HOOK2: variants seen among roughly 807,000 people sequenced by gnomAD.
HOOK2 encodes hook microtubule tethering protein 2.
Under a neutral mutation model 111.9 loss-of-function variants are expected in HOOK2, and 108 were observed. The ratio of observed to expected loss-of-function variants is 0.96; its 90% CI spans 0.83 to 1.13. HOOK2 has a LOEUF of 1.13. HOOK2 is among the 50% of genes most tolerant of loss of function. The pLI is 0.00. For synonymous variants in HOOK2, 405 were observed against 394.3 expected, an observed-to-expected ratio of 1.03 and a Z score of -0.32; for missense variants, 978 against 951.3, an observed-to-expected ratio of 1.03 and a Z score of -0.37.
chr19:12,775,602 C>CCT, upstream of HOOK2: 1 of 636,980 alleles, frequency 1.6e-6, no homozygotes, highest in Non-Finnish European at 2.3e-6. Flanking sequence ...GCCCCGCCCC[C>CCT]AAGCCCAGGC....
chr19:12,782,292 G>T (rs1365404404), upstream of HOOK2, among the ~76,000 whole-genome samples: 1 of 152,258 alleles, frequency 6.6e-6, no homozygotes, highest in Non-Finnish European at 1.5e-5. Context: ...CCATCCACGT[G>T]TGTCCGTGTT....
intron 1 of HOOK2, 101 bp from the exon 2 acceptor site, chr19:12,774,998 G>A (rs893213163): frequency 9.7e-6 from 12 of 1,230,892 alleles, no homozygotes; most frequent in Non-Finnish European, 1.4e-5. Flanking sequence ...CACATGGTGG[G>A]GCGGGCGCTG....
upstream of HOOK2, among the ~76,000 whole-genome samples, chr19:12,779,831 T>A (rs1968580431): frequency 6.6e-6 from 1 of 152,182 alleles, no homozygotes; most frequent in Non-Finnish European, 1.5e-5. Context: ...TGTAACATCC[T>A]TGTCGGTAAC....
chr19:12,790,319 G>T lies in HOOK2; in HGVS notation n.42-16094C>A, dbSNP rs975611424. ...GAGACAGGGCCGGGCTCCTTCCCCCGGGGCTGTTGCCACACTTCCTGCCTC... is the reference window on the plus strand; with the variant it reads ...GAGACAGGGCCGGGCTCCTTCCCCCTGGGCTGTTGCCACACTTCCTGCCTC... On this transcript the variant is annotated intron_variant and non_coding_transcript_variant, in intron 3 of 3. Transcript: ENST00000589765. The surrounding 1 kb of genome is among the most constrained non-coding windows in gnomAD (Gnocchi z 7.2). Among the ~76,000 whole-genome samples the T allele has an allele frequency of 1.8e-4, 27 of 152,166 alleles. No individual in the cohort carries two copies. The highest frequency in any genetic ancestry group is 5.5e-4 in the African/African-American group (23 of 41,444).
At position 12,772,579 on chromosome 19, in the gene HOOK2, A is replaced by G; in HGVS notation, c.456+34T>C. 3.1e-6 allele frequency: 5 copies of G among 1,609,946 alleles called. No individual in the cohort carries two copies. In the South Asian group the frequency reaches 5.5e-5, roughly 18 times the overall value. ...CCCTAGAGATGTCCCCTCTCCTGAC[A>G]TTTTCCAATTGCACACTGAGTGCCC... On this transcript the variant is annotated intron_variant, in intron 6 of 22. Transcript: ENST00000397668.
chr19:12,789,640 C>T (rs1397361464), intron 3 of HOOK2, among the ~76,000 whole-genome samples: 1 of 151,826 alleles, frequency 6.6e-6, no homozygotes, highest in Non-Finnish European at 1.5e-5. Context: ...CCGGGGGCGC[C>T]TCGAGGCATC....
In HOOK2 at chr19:12,763,218, G is replaced by T; in HGVS notation, c.*64C>A. ...GCACCTGGCTGAAGCCCAGTGCTGGGCGCCATGTGAGCTGGAGGAAGCCAG... is the reference window on the plus strand; with the variant it reads ...GCACCTGGCTGAAGCCCAGTGCTGGTCGCCATGTGAGCTGGAGGAAGCCAG... On this transcript the variant is annotated 3_prime_UTR_variant, in exon 23 of 23. Coordinates refer to ENST00000397668, the MANE Select transcript of HOOK2 (RefSeq NM_013312.3). 1 of 1,569,100 alleles carries T rather than the reference G, an allele frequency of 6.4e-7. No individual in the cohort carries two copies. Among genetic ancestry groups the T allele is most frequent in the East Asian group, 2.3e-5 (1 of 44,394 alleles).
intron 3 of HOOK2, among the ~76,000 whole-genome samples, chr19:12,785,537 GTACA>G (rs1244251215): frequency 6.6e-6 from 1 of 151,862 alleles, no homozygotes; most frequent in Non-Finnish European, 1.5e-5. Flanking sequence ...CAACCTACAC[GTACA>G]TACATCTAGA....
chr19:12,783,007 C>G (rs1310993845), upstream of HOOK2, among the ~76,000 whole-genome samples: 1 of 152,078 alleles, frequency 6.6e-6, no homozygotes, highest in Non-Finnish European at 1.5e-5. Context: ...GCGCTTCCCG[C>G]TCGTGATCCC....
intron 11 of HOOK2, among the ~76,000 whole-genome samples, chr19:12,768,473 G>A (rs565593720): frequency 1.8e-4 from 27 of 152,188 alleles, no homozygotes; most frequent in African/African-American, 5.3e-4. Context: ...AATAAATTGC[G>A]TTATATAGTC....
In HOOK2 at chr19:12,771,079, G is replaced by T. The variant is rs766457016; in HGVS notation, c.762-7C>A. The T allele has an allele frequency of 1.9e-6, 3 of 1,612,264 alleles. No homozygotes were observed. Among genetic ancestry groups the T allele is most frequent in the Non-Finnish European group, 2.5e-6 (3 of 1,178,780 alleles). ...CTCCCTGCCACTCTCCAGCCTGGGG[G>T]TGTTGGGGGAAGAGCACATGAGGGG... On this transcript the variant is annotated splice_polypyrimidine_tract_variant and splice_region_variant and intron_variant, in intron 9 of 22. Transcript: ENST00000397668.
At chr19:12,776,099 G>A (rs1231484304), upstream of HOOK2, among the ~76,000 whole-genome samples, 3 of 149,646 alleles carry the variant, frequency 2.0e-5, no homozygotes, top group African/African-American at 7.4e-5. Flanking sequence ...GGATGGTCTC[G>A]ATCTCCTGAC....
chr19:12,774,334 G>C (rs908982016), intron 3 of HOOK2: 1 of 370,314 alleles, frequency 2.7e-6, no homozygotes, highest in East Asian at 5.7e-5. Context: ...TTGAACTCCT[G>C]GCCCCAGGTG....
intron 1 of HOOK2, 156 bp downstream of exon 1, chr19:12,775,249 C>T (rs1053616727): frequency 1.0e-6 from 1 of 985,390 alleles, no homozygotes; most frequent in South Asian, 4.7e-5. Context: ...TGCCACGTGA[C>T]GGGGGCGGGT....
In HOOK2 at chr19:12,772,067, G is replaced by C. The variant is rs147307330; in HGVS notation, c.519+123C>G. Reference sequence around the variant, plus strand: ...CTTAGGCTACCCTGAGCATCTGTAAGTGGGGTCTGGACCTTTAACAAGGTT... The same window carrying C: ...CTTAGGCTACCCTGAGCATCTGTAACTGGGGTCTGGACCTTTAACAAGGTT... On this transcript the variant is annotated intron_variant, in intron 7 of 22. Coordinates refer to ENST00000397668, the MANE Select transcript of HOOK2 (RefSeq NM_013312.3). 6.6e-5 allele frequency: 50 copies of C among 752,012 alleles called. No individual in the cohort carries two copies. In the African/African-American group the frequency reaches 7.6e-4, roughly 11 times the overall value. The allele number at this position is 752,012 out of a possible 1,614,324, so 46.6% of individuals were successfully genotyped here.
Position 12,791,998 on chromosome 19 carries a change from C to G in HOOK2, n.42-17773G>C. 2 of 1,611,672 alleles carry G rather than the reference C, an allele frequency of 1.2e-6. No homozygotes were observed. Among genetic ancestry groups the G allele is most frequent in the Non-Finnish European group, 1.7e-6 (2 of 1,179,454 alleles). On this transcript the variant is annotated intron_variant and non_coding_transcript_variant, in intron 3 of 3. Coordinates refer to the HOOK2 transcript ENST00000589765. The surrounding 1 kb of genome is among the most constrained non-coding windows in gnomAD (Gnocchi z 7.0). ...TACTTTTCTGGTCAGGGCTCGGACA[C>G]CGGCGCGTCTCTCAAGCTCGCCTCT...
chr19:12,769,945 T>C lies in HOOK2; in HGVS notation c.1040A>G (p.Gln347Arg). The C allele has an allele frequency of 2.6e-6, 4 of 1,558,438 alleles. No individual in the cohort carries two copies. Among genetic ancestry groups the C allele is most frequent in the Non-Finnish European group, 2.6e-6 (3 of 1,159,430 alleles). The stretch of plus-strand genomic sequence containing the variant: ...CGCTCGGCGTAGCTCATCCTCCAGT[T>C]GTCGCGTGCGCTCGGCGTGGCCGGC... ...RNAGHAERTR[Q>R]LEDELRRAGS... The change falls in exon 11 of 23, where the codon CAA becomes CGA. Residue 347 changes from glutamine to arginine, a missense_variant. Gln to Arg is a conservative substitution (Grantham distance 43). Coordinates refer to ENST00000397668, the MANE Select transcript of HOOK2 (RefSeq NM_013312.3).
At position 12,769,958 on chromosome 19, in the gene HOOK2, C is replaced by T. The variant is rs570406661; in HGVS notation, c.1027G>A (p.Glu343Lys). The change falls in exon 11 of 23, where the codon GAG (glutamate) becomes AAG (lysine). Residue 343 changes from glutamate (E) to lysine (K), a missense_variant. Physicochemically the swap from Glu to Lys is moderately conservative, Grantham distance 56. Coordinates refer to ENST00000397668, the MANE Select transcript of HOOK2 (RefSeq NM_013312.3). Reference protein sequence around the residue: ...QLEERNAGHAERTRQLEDELR... With the variant: ...QLEERNAGHAKRTRQLEDELR... ...TCATCCTCCAGTTGTCGCGTGCGCT[C>T]GGCGTGGCCGGCGTTGCGTTCCTCC... The T allele has an allele frequency of 2.0e-5, 31 of 1,552,836 alleles. No homozygotes were observed. The East Asian group carries it at 2.2e-4, about 11-fold the overall frequency.
intron 13 of HOOK2, 148 bp from the exon 14 acceptor site, chr19:12,767,612 C>T (rs1599480668): frequency 1.0e-5 from 9 of 870,878 alleles, no homozygotes; most frequent in Middle Eastern, 2.4e-4. Context: ...GATAGAGAAC[C>T]GGGAGGGTTG....
Sources: gnomAD v4.1 joint callset for allele counts (sites outside exome capture counted in the v4.1 genomes callset) on GRCh38, gnomAD v4.1.1 for gene constraint, Gnocchi (gnomAD v3.1) non-coding constraint, MANE v1.5 for transcripts, NCBI Gene and HGNC (gene_info 2026-07-23, HGNC 2026-07-21) for gene names.